The following VEZT variants were observed in gnomAD, a reference collection of about 807,000 sequenced individuals.
The protein encoded by VEZT is vezatin.
Under a neutral mutation model 79.9 loss-of-function variants are expected in VEZT, and 39 were observed. The observed-to-expected ratio is 0.49, with a 90% CI of 0.38 to 0.64. The LOEUF (loss-of-function observed/expected upper bound fraction) is 0.64, where lower values mean the gene tolerates loss of function less well. Ranked by LOEUF, VEZT falls within the 30% of genes least tolerant of loss-of-function variation. VEZT has a pLI of 0.00. For synonymous variants in VEZT, 325 were observed against 327.6 expected (o/e 0.99, Z 0.09); for missense variants, 837 against 893.1 (o/e 0.94, Z 0.80).
Position 95,273,787 on chromosome 12 carries a change from A to G in VEZT, c.849-955A>G, listed in dbSNP as rs140128992. On this transcript the variant is annotated intron_variant, in intron 6 of 11. Coordinates refer to ENST00000436874, the MANE Select transcript of VEZT (RefSeq NM_017599.4). ...CCCATCTCATAAGTGGAGAAACAAA[A>G]TGTTTAAATGGAATATTTATAAATT... 4.5e-3 allele frequency among the ~76,000 whole-genome samples: 681 copies of G among 152,350 alleles called. 9 individuals are homozygous for G. Among genetic ancestry groups the G allele is most frequent in the African/African-American group, 0.016 (654 of 41,584 alleles).
chr12:95,274,282 T>C (rs965814949), intron 6 of VEZT, among the ~76,000 whole-genome samples: 1 of 152,014 alleles, frequency 6.6e-6, no homozygotes, highest in Admixed American at 6.6e-5. Flanking sequence ...CTGGACAACA[T>C]GGCAAAACAT....
intron 6 of VEZT, among the ~76,000 whole-genome samples, chr12:95,274,161 T>C (rs139264564): frequency 2.4e-3 from 369 of 152,164 alleles, no homozygotes; most frequent in African/African-American, 8.3e-3. Context: ...CAGCTACAAA[T>C]GGTAGGTGTC....
At chr12:95,258,669 G>A (rs2063852488) in intron 3 of VEZT, among the ~76,000 whole-genome samples, 1 of 151,990 alleles carries the variant, frequency 6.6e-6, no homozygotes, top group Admixed American at 6.6e-5. Context: ...CATTTTTATA[G>A]TACTTTTCTT....
intron 1 of VEZT, among the ~76,000 whole-genome samples, chr12:95,232,831 A>C (rs997670176): frequency 6.6e-6 from 1 of 152,074 alleles, no homozygotes; most frequent in Non-Finnish European, 1.5e-5. Context: ...TTTGAGACAG[A>C]GTCTCACTCT....
intron 1 of VEZT, among the ~76,000 whole-genome samples, chr12:95,234,730 C>G (rs1016660266): frequency 6.6e-6 from 1 of 151,784 alleles, no homozygotes; most frequent in Non-Finnish European, 1.5e-5. Context: ...GGTCACAGGA[C>G]AGTAGTGGAG....
chr12:95,244,371 AC>A, intron 1 of VEZT, among the ~76,000 whole-genome samples: 1 of 152,256 alleles, frequency 6.6e-6, no homozygotes, highest in Non-Finnish European at 1.5e-5. Flanking sequence ...ACAGAACGAG[AC>A]CCTGTTTCTA....
At chr12:95,252,214 G>C (rs2062720055) in intron 2 of VEZT, 143 bp downstream of exon 2, 1 of 803,334 alleles carries the variant, frequency 1.2e-6, no homozygotes, top group African/African-American at 1.8e-5. Context: ...CTTTCTGTTA[G>C]ATAAACATGA....
Position 95,217,831 on chromosome 12 carries a change from G to A in VEZT, c.-20G>A. ...CCTTCATTTCCCATCGTGCTGAGGCGGGTGGCATGGCGGAGAAGGATGACA... is the reference window on the plus strand; with the variant it reads ...CCTTCATTTCCCATCGTGCTGAGGCAGGTGGCATGGCGGAGAAGGATGACA... On this transcript the variant is annotated 5_prime_UTR_variant, in exon 1 of 12. Coordinates refer to ENST00000436874, the MANE Select transcript of VEZT (RefSeq NM_017599.4). The A allele has an allele frequency of 3.2e-6, 5 of 1,545,224 alleles. No individual in the cohort carries two copies. Among genetic ancestry groups the A allele is most frequent in the Non-Finnish European group, 4.3e-6 (5 of 1,150,860 alleles).
At chr12:95,249,835 A>G (rs1225170831) in intron 1 of VEZT, among the ~76,000 whole-genome samples, 1 of 152,162 alleles carries the variant, frequency 6.6e-6, no homozygotes, top group African/African-American at 2.4e-5. Context: ...TATTTTAGGT[A>G]ATAGAGTATA....
At chr12:95,223,860 C>G (rs2058003207) in intron 1 of VEZT, among the ~76,000 whole-genome samples, 1 of 152,008 alleles carries the variant, frequency 6.6e-6, no homozygotes, top group Non-Finnish European at 1.5e-5. Context: ...TTCCATTCAT[C>G]TATTTGTGTT....
At chr12:95,287,534 C>T (rs2071295877) in intron 8 of VEZT, 130 bp from the exon 9 acceptor site, 1 of 794,148 alleles carries the variant, frequency 1.3e-6, no homozygotes, top group Admixed American at 3.3e-5. Context: ...AACTCCTGAG[C>T]TCAAGCCATT....
intron 1 of VEZT, among the ~76,000 whole-genome samples, chr12:95,238,542 A>G (rs538266865): frequency 1.3e-5 from 2 of 152,270 alleles, no homozygotes; most frequent in East Asian, 3.9e-4. Flanking sequence ...TGAGTTTGCC[A>G]CCATATTTAT....
At chr12:95,287,639 G>C (rs1325734237) in intron 8 of VEZT, 25 bp from the exon 9 acceptor site, 1 of 1,470,452 alleles carries the variant, frequency 6.8e-7, no homozygotes, top group Admixed American at 2.6e-5. Context: ...ATAGAAATCT[G>C]TTTCTGTTTT....
At chr12:95,219,738 C>G (rs954652673) in intron 1 of VEZT, among the ~76,000 whole-genome samples, 4 of 152,186 alleles carry the variant, frequency 2.6e-5, no homozygotes, top group African/African-American at 9.7e-5. Context: ...TATACCAATT[C>G]CGGTTTCCAT....
intron 2 of VEZT, among the ~76,000 whole-genome samples, chr12:95,254,042 G>A (rs2063045240): frequency 6.6e-6 from 1 of 152,138 alleles, no homozygotes; most frequent in Admixed American, 6.5e-5. Flanking sequence ...ATGCAGTGGT[G>A]TGATTACAAT....
chr12:95,252,975 A>T (rs1011117061), intron 2 of VEZT, among the ~76,000 whole-genome samples: 6 of 152,266 alleles, frequency 3.9e-5, no homozygotes, highest in Admixed American at 3.3e-4. Flanking sequence ...CAAAGAAAAA[A>T]AAATAAATTT....
intron 1 of VEZT, among the ~76,000 whole-genome samples, chr12:95,243,645 C>A (rs545150967): frequency 6.6e-6 from 1 of 152,284 alleles, no homozygotes; most frequent in East Asian, 1.9e-4. Flanking sequence ...TGTGGTTTGT[C>A]CCTGCCAAAA....
chr12:95,263,608 ACC>A, intron 4 of VEZT: 1 of 152,428 alleles, frequency 6.6e-6, no homozygotes, highest in East Asian at 1.9e-4. Context: ...CCGTGATCAC[ACC>A]ACTGCACTCC....
chr12:95,267,882 G>A (rs552396755), intron 5 of VEZT, among the ~76,000 whole-genome samples: 32 of 152,168 alleles, frequency 2.1e-4, no homozygotes, highest in African/African-American at 3.6e-4. Flanking sequence ...TTAGCCAGAC[G>A]TGGTGGCACA....
Sources: gnomAD v4.1 joint callset for allele counts (sites outside exome capture counted in the v4.1 genomes callset) on GRCh38, gnomAD v4.1.1 for gene constraint, MANE v1.5 for transcripts, NCBI Gene and HGNC (gene_info 2026-07-23, HGNC 2026-07-21) for gene names.